The following GLG1 variants were observed in gnomAD, a reference collection of about 807,000 sequenced individuals.
GLG1 encodes the protein Golgi apparatus protein 1.
Under a neutral mutation model 160.5 loss-of-function variants are expected in GLG1, and 38 were observed. The observed-to-expected ratio is 0.24, with a 90% CI of 0.18 to 0.31. The LOEUF (loss-of-function observed/expected upper bound fraction) is 0.31. GLG1 is among the 10% of genes least tolerant of loss of function. The pLI is 1.00. For synonymous variants in GLG1, 644 were observed against 543.4 expected, an observed-to-expected ratio of 1.19 and a Z score of -2.57; for missense variants, 1,373 against 1,505.2, an observed-to-expected ratio of 0.91 and a Z score of 1.45.
chr16:74,597,785 T>C (rs1375706242), intron 1 of GLG1, among the ~76,000 whole-genome samples: 23 of 140,062 alleles, frequency 1.6e-4, no homozygotes, highest in East Asian at 1.1e-3. Flanking sequence ...ACCCGGGAGG[T>C]GGAGCTTGCA....
chr16:74,546,578 T>C (rs1185903091), intron 1 of GLG1, among the ~76,000 whole-genome samples: 3 of 152,086 alleles, frequency 2.0e-5, no homozygotes, highest in Non-Finnish European at 4.4e-5. Context: ...GGCTCACACC[T>C]GTAACCCCAG....
chr16:74,452,807 A>AG lies in GLG1; in HGVS notation c.*359_*360insC. On this transcript the variant is annotated 3_prime_UTR_variant, in exon 26 of 26. Transcript: ENST00000422840. Reference sequence around the variant, plus strand: ...TATATACATTTTTTTCTTTAAAAAAATTTTTTTTTTTGGTGGTTTTCTTAA... The same window carrying AG: ...TATATACATTTTTTTCTTTAAAAAAAGTTTTTTTTTTTGGTGGTTTTCTTAA... The AG allele has an allele frequency of 1.2e-6, 1 of 806,376 alleles. No homozygotes were observed. Among genetic ancestry groups the AG allele is most frequent in the Non-Finnish European group, 1.5e-6 (1 of 662,744 alleles). 50.0% of individuals were successfully genotyped at this position (806,376 alleles called of 1,614,324 possible). A position where few individuals can be genotyped will look rare whatever the true frequency, so the allele number is the denominator to read the frequency against.
chr16:74,503,552 G>A lies in GLG1; in HGVS notation c.753C>T (p.Gly251=). The A allele has an allele frequency of 6.2e-7, 1 of 1,611,158 alleles. No individual in the cohort carries two copies. Among genetic ancestry groups the A allele is most frequent in the South Asian group, 1.1e-5 (1 of 91,010 alleles). The change falls in exon 4 of 26, where the codon GGC becomes GGT. Residue 251 remains glycine (G), a synonymous_variant. Transcript: ENST00000422840. Reference sequence around the variant, plus strand: ...ATACCTTTTCTCCAAGCCGAATACTGCCACATTTCAGAATGTTGATGTCAT... The same window carrying A: ...ATACCTTTTCTCCAAGCCGAATACTACCACATTTCAGAATGTTGATGTCAT... ...CKNDINILKC[G]SIRLGEKDAH...
At chr16:74,564,704 A>G (rs1036273195) in intron 1 of GLG1, among the ~76,000 whole-genome samples, 1 of 152,254 alleles carries the variant, frequency 6.6e-6, no homozygotes, top group African/African-American at 2.4e-5. Context: ...CAAAATTGTG[A>G]GAGCCCACTG....
At chr16:74,513,003 T>C (rs959213268) in intron 2 of GLG1, among the ~76,000 whole-genome samples, 1 of 152,262 alleles carries the variant, frequency 6.6e-6, no homozygotes, top group Admixed American at 6.5e-5. Flanking sequence ...GAATAAATGA[T>C]AACCTATGGA....
intron 1 of GLG1, among the ~76,000 whole-genome samples, chr16:74,589,004 G>A (rs1277145459): frequency 6.6e-6 from 1 of 151,914 alleles, no homozygotes; most frequent in East Asian, 1.9e-4. Flanking sequence ...CACTTTGGGA[G>A]GCTGAGGGGG....
intron 5 of GLG1, 100 bp from the exon 6 acceptor site, chr16:74,494,931 T>A: frequency 1.5e-6 from 1 of 646,994 alleles, no homozygotes; most frequent in Admixed American, 2.3e-5. Flanking sequence ...ACGATTATAA[T>A]CGTACATACC....
At chr16:74,540,082 T>TTA (rs61124161) in intron 1 of GLG1, among the ~76,000 whole-genome samples, 434 of 1,078 alleles carry the variant, frequency 0.4, 200 homozygotes, top group Non-Finnish European at 0.64. Context: ...TATATATATT[T>TTA]TATATATATA....
chr16:74,483,834 T>C (rs1343802285), intron 9 of GLG1, among the ~76,000 whole-genome samples: 1 of 152,044 alleles, frequency 6.6e-6, no homozygotes, highest in Non-Finnish European at 1.5e-5. Context: ...ATTTTTTTTG[T>C]ATTTTTAGTA....
chr16:74,597,539 C>T (rs1289138140), intron 1 of GLG1, among the ~76,000 whole-genome samples: 3 of 151,402 alleles, frequency 2.0e-5, no homozygotes, highest in Non-Finnish European at 4.4e-5. Flanking sequence ...GCCAACATGG[C>T]GAAATCCTGC....
chr16:74,578,777 A>T (rs138910494), intron 1 of GLG1, among the ~76,000 whole-genome samples: 8 of 152,244 alleles, frequency 5.3e-5, no homozygotes, highest in East Asian at 1.9e-4. Context: ...GTGGTTTTTT[A>T]AAATCTTCCC....
intron 21 of GLG1, 128 bp from the exon 22 acceptor site, chr16:74,462,323 A>G (rs1367259689): frequency 2.4e-6 from 2 of 823,292 alleles, no homozygotes; most frequent in South Asian, 1.7e-5. Context: ...AGAACAAGAA[A>G]AAACAAAATG....
chr16:74,460,009 C>T (rs1032011135), intron 22 of GLG1, among the ~76,000 whole-genome samples: 5 of 148,566 alleles, frequency 3.4e-5, no homozygotes, highest in Non-Finnish European at 7.4e-5. Flanking sequence ...GCGCGTGCTA[C>T]CATGCCTGGC....
At chr16:74,487,238 A>C (rs1376952567) in intron 8 of GLG1, among the ~76,000 whole-genome samples, 1 of 152,118 alleles carries the variant, frequency 6.6e-6, no homozygotes, top group Non-Finnish European at 1.5e-5. Context: ...TAGAAAGCGA[A>C]TTTGAAAACT....
chr16:74,562,216 C>G (rs542443764), intron 1 of GLG1, among the ~76,000 whole-genome samples: 9 of 152,244 alleles, frequency 5.9e-5, no homozygotes, highest in Admixed American at 5.9e-4. Flanking sequence ...ACAGACACAA[C>G]AGCTTTAGGT....
intron 7 of GLG1, among the ~76,000 whole-genome samples, 181 bp downstream of exon 7, chr16:74,492,776 G>A (rs577266869): frequency 2.0e-5 from 3 of 149,722 alleles, no homozygotes; most frequent in East Asian, 2.0e-4. Context: ...CCGAGATTGC[G>A]CCACTGCCCT....
intron 1 of GLG1, 98 bp downstream of exon 1, chr16:74,606,559 A>G (rs1384823485): frequency 1.9e-5 from 20 of 1,035,996 alleles, no homozygotes; most frequent in Non-Finnish European, 2.7e-5. Context: ...CAGAGGAAGC[A>G]AGGAAAGCAG....
chr16:74,596,058 G>A (rs1176571918), intron 1 of GLG1, among the ~76,000 whole-genome samples: 1 of 152,124 alleles, frequency 6.6e-6, no homozygotes, highest in Admixed American at 6.6e-5. Context: ...GAGAGGCAGA[G>A]GTTGCCCCTT....
intron 7 of GLG1, 87 bp downstream of exon 7, chr16:74,492,870 G>A (rs539940774): frequency 4.5e-6 from 3 of 669,874 alleles, no homozygotes; most frequent in African/African-American, 1.9e-5. Context: ...AATATGGGAG[G>A]AAACTAACGT....
Sources: gnomAD v4.1 joint callset for allele counts (sites outside exome capture counted in the v4.1 genomes callset) on GRCh38, gnomAD v4.1.1 for gene constraint, MANE v1.5 for transcripts, NCBI Gene and HGNC (gene_info 2026-07-23, HGNC 2026-07-21) for gene names.